PON3: variants seen among roughly 807,000 people sequenced by gnomAD.
PON3 encodes paraoxonase 3.
A neutral mutation model predicts 36.3 loss-of-function variants in PON3; 37 were observed. That is an observed-to-expected ratio of 1.02 (90% confidence interval 0.78 to 1.34). PON3 has a LOEUF of 1.34. Ranked by LOEUF, PON3 falls within the 40% of genes most tolerant of loss-of-function variation. PON3 has a pLI of 0.00. For synonymous variants in PON3, 155 were observed against 154.8 expected (o/e 1.00, Z -0.01); for missense variants, 415 against 426.5 (o/e 0.97, Z 0.24).
intron 6 of PON3, 112 bp downstream of exon 6, chr7:95,363,751 C>T (rs991826039): frequency 1.9e-6 from 2 of 1,052,608 alleles, no homozygotes; most frequent in Non-Finnish European, 1.5e-6. Context: ...ACTGATCCCT[C>T]CACACATATA....
chr7:95,385,145 T>A (rs1027913541), intron 3 of PON3, among the ~76,000 whole-genome samples: 3 of 151,968 alleles, frequency 2.0e-5, no homozygotes, highest in Non-Finnish European at 4.4e-5. Flanking sequence ...TAGGTGGGAA[T>A]TGAACGATGA....
intron 2 of PON3, among the ~76,000 whole-genome samples, chr7:95,390,961 C>A (rs1809305387): frequency 6.6e-6 from 1 of 152,176 alleles, no homozygotes; most frequent in Admixed American, 6.5e-5. Flanking sequence ...GACTTTCCCA[C>A]ACACTTATTA....
chr7:95,371,732 T>A (rs1808811468), intron 4 of PON3, among the ~76,000 whole-genome samples: 1 of 152,184 alleles, frequency 6.6e-6, no homozygotes, highest in Non-Finnish European at 1.5e-5. Flanking sequence ...CTATCTCTCA[T>A]TCTTTGGGTT....
intron 3 of PON3, among the ~76,000 whole-genome samples, chr7:95,387,683 C>A (rs74537678): frequency 0.54 from 82,118 of 151,860 alleles, 22,741 homozygotes; most frequent in East Asian, 0.78. Flanking sequence ...AGACAATTCT[C>A]AGGAAAAAGA....
At chr7:95,368,367 T>C (rs1295433728) in intron 4 of PON3, among the ~76,000 whole-genome samples, 2 of 152,218 alleles carry the variant, frequency 1.3e-5, no homozygotes, top group South Asian at 4.1e-4. Context: ...TGAAACACAC[T>C]GGGCACTTTG....
chr7:95,382,990 A>G (rs1236544372), intron 3 of PON3, among the ~76,000 whole-genome samples: 3 of 152,224 alleles, frequency 2.0e-5, no homozygotes, highest in Non-Finnish European at 4.4e-5. Flanking sequence ...AGCACATCAA[A>G]AAGCTTATGC....
chr7:95,371,089 T>C (rs1455648028), intron 4 of PON3, among the ~76,000 whole-genome samples: 1 of 152,204 alleles, frequency 6.6e-6, no homozygotes, highest in East Asian at 1.9e-4. Flanking sequence ...TGGCATAATA[T>C]TTACAAGCTT....
intron 2 of PON3, among the ~76,000 whole-genome samples, chr7:95,393,231 A>C (rs1343375170): frequency 6.6e-6 from 1 of 152,248 alleles, no homozygotes; most frequent in Non-Finnish European, 1.5e-5. Context: ...CATTCTAATA[A>C]ATAAGTCACA....
chr7:95,387,035 A>AATAGGC (rs1239463937), intron 3 of PON3, among the ~76,000 whole-genome samples: 4 of 152,228 alleles, frequency 2.6e-5, no homozygotes, highest in African/African-American at 9.6e-5. Context: ...TATCATACTG[A>AATAGGC]ATAGGCAAAA....
intron 2 of PON3, among the ~76,000 whole-genome samples, chr7:95,392,940 G>T (rs930905833): frequency 6.6e-6 from 1 of 152,170 alleles, no homozygotes; most frequent in African/African-American, 2.4e-5. Flanking sequence ...ATTATTCAAA[G>T]ATATCCACAT....
intron 4 of PON3, among the ~76,000 whole-genome samples, chr7:95,371,141 T>C (rs1808799310): frequency 6.6e-6 from 1 of 152,210 alleles, no homozygotes; most frequent in Non-Finnish European, 1.5e-5. Flanking sequence ...TTTCTTTTTA[T>C]TGCCAAATAG....
rs1809435302 is a variant in PON3, at chr7:95,396,371, C to T, written c.-21G>A. The T allele has an allele frequency of 6.2e-7, 1 of 1,612,804 alleles. No individual in the cohort carries two copies. Among genetic ancestry groups the T allele is most frequent in the African/African-American group, 1.3e-5 (1 of 74,868 alleles). ...CCCATGGTCTCGGGGTGCCCAGCGGCGACTGCGCGGCGCCGAGAGCTCTCG... is the reference window on the plus strand; with the variant it reads ...CCCATGGTCTCGGGGTGCCCAGCGGTGACTGCGCGGCGCCGAGAGCTCTCG... On this transcript the variant is annotated 5_prime_UTR_variant, in exon 1 of 9. Coordinates refer to ENST00000265627, the MANE Select transcript of PON3 (RefSeq NM_000940.3).
intron 3 of PON3, among the ~76,000 whole-genome samples, chr7:95,385,377 T>C (rs1018858935): frequency 2.0e-5 from 3 of 151,766 alleles, no homozygotes; most frequent in Non-Finnish European, 4.4e-5. Context: ...TTAAAAAGTA[T>C]ATATACATGC....
In PON3 at chr7:95,387,434, C is replaced by T. The variant is rs543989856; in HGVS notation, c.201+2720G>A. ...GAATCCAACTTACAAGGGATGTGAA[C>T]GACCTCTTCAAGAAGAACTACAAAC... On this transcript the variant is annotated intron_variant, in intron 3 of 8. Coordinates refer to ENST00000265627, the MANE Select transcript of PON3 (RefSeq NM_000940.3). Among the ~76,000 whole-genome samples, 11 of 152,132 alleles carry T rather than the reference C, an allele frequency of 7.2e-5. 1 individual carries two copies. In the South Asian group the frequency reaches 1.7e-3, roughly 23 times the overall value.
chr7:95,375,626 G>C (rs1286907328), intron 3 of PON3, among the ~76,000 whole-genome samples: 1 of 152,154 alleles, frequency 6.6e-6, no homozygotes, highest in Non-Finnish European at 1.5e-5. Context: ...GCCAGCTAGT[G>C]AAAAGACTGG....
At chr7:95,385,406 C>G (rs541247132) in intron 3 of PON3, among the ~76,000 whole-genome samples, 93 of 152,060 alleles carry the variant, frequency 6.1e-4, no homozygotes, top group African/African-American at 2.1e-3. Context: ...CAGGAGCACC[C>G]AGATTCATAA....
intron 5 of PON3, among the ~76,000 whole-genome samples, chr7:95,366,365 C>A (rs1282120353): frequency 4.6e-5 from 7 of 152,190 alleles, no homozygotes; most frequent in Non-Finnish European, 1.0e-4. Flanking sequence ...CTCAGAACCC[C>A]ATACGGTGCA....
intron 4 of PON3, among the ~76,000 whole-genome samples, chr7:95,370,787 TTATAA>T (rs1303820347): frequency 6.6e-6 from 1 of 152,248 alleles, no homozygotes; most frequent in Non-Finnish European, 1.5e-5. Flanking sequence ...ACTTATGTTT[TTATAA>T]TATATTTTTG....
At chr7:95,387,976 G>A (rs1005450764) in intron 3 of PON3, among the ~76,000 whole-genome samples, 6 of 152,074 alleles carry the variant, frequency 3.9e-5, no homozygotes, top group Admixed American at 6.5e-5. Flanking sequence ...TTATACAAAA[G>A]TTAATTCAAG....
Sources: allele counts gnomAD v4.1 joint callset (sites outside exome capture counted in the v4.1 genomes callset), GRCh38; gene constraint gnomAD v4.1.1; transcripts MANE v1.5; gene names NCBI Gene and HGNC (gene_info 2026-07-23, HGNC 2026-07-21).